The following LMO7 variants were observed in gnomAD, a reference collection of about 807,000 sequenced individuals.
The protein encoded by LMO7 is LIM domain only protein 7.
A neutral mutation model predicts 206.5 loss-of-function variants in LMO7; 120 were observed. That is an observed-to-expected ratio of 0.58 (90% confidence interval 0.50 to 0.68). The LOEUF is 0.68. Ranked by LOEUF, LMO7 falls within the 30% of genes least tolerant of loss-of-function variation. The pLI is 0.00. For missense variants in LMO7, 1,959 were observed against 1,957.9 expected, an observed-to-expected ratio of 1.00 and a Z score of -0.01; for synonymous variants, 706 against 681.5, an observed-to-expected ratio of 1.04 and a Z score of -0.56.
chr13:75,785,891 A>T (rs1340118446), intron 4 of LMO7, among the ~76,000 whole-genome samples: 1 of 152,242 alleles, frequency 6.6e-6, no homozygotes, highest in Non-Finnish European at 1.5e-5. Context: ...CTGGAAGGAC[A>T]CCTGAAATGT....
At chr13:75,725,668 C>G (rs2044407968) in intron 2 of LMO7, among the ~76,000 whole-genome samples, 1 of 152,028 alleles carries the variant, frequency 6.6e-6, no homozygotes, top group African/African-American at 2.4e-5. Flanking sequence ...TTGCTTTCTA[C>G]TTGGCTTTCT....
intron 4 of LMO7, among the ~76,000 whole-genome samples, chr13:75,770,677 G>GC (rs2049519663): frequency 1.3e-5 from 2 of 152,100 alleles, no homozygotes; most frequent in African/African-American, 2.4e-5. Flanking sequence ...CTGTATTATA[G>GC]CCTCCAGAGT....
chr13:75,734,753 C>T (rs1030225529), intron 3 of LMO7, among the ~76,000 whole-genome samples: 3 of 152,190 alleles, frequency 2.0e-5, no homozygotes, highest in African/African-American at 4.8e-5. Context: ...ACCAAGTTGC[C>T]TCCATTCTAT....
At chr13:75,779,949 T>C (rs533697308) in intron 4 of LMO7, among the ~76,000 whole-genome samples, 42 of 152,228 alleles carry the variant, frequency 2.8e-4, no homozygotes, top group Admixed American at 8.5e-4. Context: ...AGACATCACA[T>C]GTTGGCAGGT....
intron 2 of LMO7, among the ~76,000 whole-genome samples, chr13:75,715,175 C>T (rs901118125): frequency 2.0e-5 from 3 of 152,156 alleles, no homozygotes; most frequent in Non-Finnish European, 4.4e-5. Flanking sequence ...ATTTAAAATG[C>T]AACTTATGCA....
intron 1 of LMO7, among the ~76,000 whole-genome samples, chr13:75,652,137 GT>G (rs933548179): frequency 4.6e-4 from 69 of 149,518 alleles, no homozygotes; most frequent in African/African-American, 1.6e-3. Context: ...TAATATTATA[GT>G]TTTTTTTTTC....
intron 4 of LMO7, among the ~76,000 whole-genome samples, chr13:75,776,846 C>T (rs1479055355): frequency 1.3e-5 from 2 of 152,116 alleles, no homozygotes; most frequent in African/African-American, 2.4e-5. Context: ...GGTTGATTTT[C>T]CTATCAATTT....
intron 13 of LMO7, among the ~76,000 whole-genome samples, chr13:75,820,962 C>A (rs1056382898): frequency 6.7e-6 from 1 of 150,138 alleles, no homozygotes; most frequent in Admixed American, 6.6e-5. Flanking sequence ...CGTGCCACTG[C>A]ACTCCAGCCT....
At chr13:75,633,051 G>C (rs1202365035), upstream of LMO7, among the ~76,000 whole-genome samples, 2 of 151,592 alleles carry the variant, frequency 1.3e-5, no homozygotes, top group Non-Finnish European at 2.9e-5. Flanking sequence ...TTTTAGTAGA[G>C]ACCGGGTTTC....
chr13:75,855,397 C>CT (rs749062444), intron 29 of LMO7, 29 bp downstream of exon 29: 4 of 1,484,224 alleles, frequency 2.7e-6, no homozygotes, highest in Non-Finnish European at 3.8e-6. Context: ...GCTTGCAGGC[C>CT]TGCAAAGCTT....
At chr13:75,799,848 C>G (rs1336891789) in intron 6 of LMO7, among the ~76,000 whole-genome samples, 1 of 152,084 alleles carries the variant, frequency 6.6e-6, no homozygotes, top group African/African-American at 2.4e-5. Context: ...GTTTAAAAAG[C>G]CAGGTTATAT....
chr13:75,741,064 A>T (rs1211532343), intron 3 of LMO7, among the ~76,000 whole-genome samples: 2 of 152,220 alleles, frequency 1.3e-5, no homozygotes, highest in Non-Finnish European at 2.9e-5. Flanking sequence ...TTCCTAATAG[A>T]GACAGTGAAT....
At chr13:75,751,199 C>T (rs1219463937) in intron 3 of LMO7, among the ~76,000 whole-genome samples, 4 of 123,948 alleles carry the variant, frequency 3.2e-5, no homozygotes, top group South Asian at 2.8e-4. Flanking sequence ...CTCGCTCTGT[C>T]GCCCAGGCTG....
chr13:75,663,601 T>C (rs2038842268), intron 1 of LMO7, among the ~76,000 whole-genome samples: 1 of 151,984 alleles, frequency 6.6e-6, no homozygotes, highest in Non-Finnish European at 1.5e-5. Flanking sequence ...CGGCTAGTTT[T>C]TTGTATTTTC....
At chr13:75,621,890 C>G in intron 1 of LMO7, 1 of 1,526,696 alleles carries the variant, frequency 6.6e-7, no homozygotes, top group Non-Finnish European at 8.9e-7. Flanking sequence ...TCCTTGAATA[C>G]TTTTATATTA....
intron 4 of LMO7, among the ~76,000 whole-genome samples, chr13:75,790,319 T>G (rs1192356949): frequency 6.6e-6 from 1 of 152,166 alleles, no homozygotes; most frequent in African/African-American, 2.4e-5. Flanking sequence ...TAAGCATTTT[T>G]TAAATCTCTC....
At position 75,663,432 on chromosome 13, in the gene LMO7, C is replaced by CTTTCTTTTT. The variant is rs1555289857; in HGVS notation, c.69+26709_69+26710insCTTTTTTTT. On this transcript the variant is annotated intron_variant, in intron 1 of 30. Coordinates refer to ENST00000377534, the MANE Select transcript of LMO7 (RefSeq NM_001306080.2). The stretch of plus-strand genomic sequence containing the variant: ...TTTTTCTTTCTTTCTTTCTTTCTTT[C>CTTTCTTTTT]TTTTTTTTTTTTTTTTGAGACGGAG... Among the ~76,000 whole-genome samples, 155 of 111,386 alleles carry CTTTCTTTTT rather than the reference C, an allele frequency of 1.4e-3. 2 individuals carry two copies. The highest frequency in any genetic ancestry group is 5.3e-3 in the African/African-American group (141 of 26,606). The allele number at this position is 111,386 out of a possible 152,430, so 73.1% of individuals were successfully genotyped here.
chr13:75,833,286 A>G lies in LMO7; in HGVS notation c.3064+121A>G, dbSNP rs1444482328. 8 of 649,452 alleles carry G rather than the reference A, an allele frequency of 1.2e-5. No homozygotes were observed. In the East Asian group the frequency reaches 1.6e-4, roughly 13 times the overall value. The allele number at this position is 649,452 out of a possible 1,614,324, so 40.2% of individuals were successfully genotyped here. A position where few individuals can be genotyped will look rare whatever the true frequency, so the allele number is the denominator to read the frequency against. On this transcript the variant is annotated intron_variant, in intron 16 of 30. Coordinates refer to ENST00000377534, the MANE Select transcript of LMO7 (RefSeq NM_001306080.2). ...AGGAGAAAACGTGAAAAATGCAACC[A>G]TAAGGCCAGAAAATACATCCTCTTT...
intron 1 of LMO7, among the ~76,000 whole-genome samples, chr13:75,670,207 G>C (rs1007560401): frequency 1.3e-5 from 2 of 152,220 alleles, no homozygotes; most frequent in Non-Finnish European, 2.9e-5. Flanking sequence ...AATCAGAAAA[G>C]TATGCTGAAG....
Sources: gnomAD v4.1 joint callset for allele counts (sites outside exome capture counted in the v4.1 genomes callset) on GRCh38, gnomAD v4.1.1 for gene constraint, MANE v1.5 for transcripts, NCBI Gene and HGNC (gene_info 2026-07-23, HGNC 2026-07-21) for gene names.